The following MBD5 variants were observed in gnomAD, a reference collection of about 807,000 sequenced individuals.
The protein encoded by MBD5 is methyl-CpG-binding domain protein 5.
MBD5 carries 13 observed loss-of-function variants against 117.3 expected under a neutral mutation model. That is an observed-to-expected ratio of 0.11 (90% CI 0.07 to 0.18). The LOEUF (loss-of-function observed/expected upper bound fraction) is 0.18, where lower values mean the gene tolerates loss of function less well. Among genes scored for constraint, MBD5 ranks in the 10% least tolerant of loss-of-function variants. MBD5 has a pLI of 1.00. For missense variants in MBD5, 1,879 were observed against 2,093.8 expected (o/e 0.90, Z 2.00); for synonymous variants, 727 against 766.4 (o/e 0.95, Z 0.85).
At chr2:148,226,660 T>C (rs1297388084) in intron 2 of MBD5, among the ~76,000 whole-genome samples, 2 of 152,180 alleles carry the variant, frequency 1.3e-5, no homozygotes, top group Non-Finnish European at 2.9e-5. Context: ...ATGGTATTTC[T>C]AGTTCTAGAT....
At chr2:148,083,221 T>G (rs1487528654) in intron 1 of MBD5, among the ~76,000 whole-genome samples, 2 of 152,208 alleles carry the variant, frequency 1.3e-5, no homozygotes, top group Non-Finnish European at 2.9e-5. Flanking sequence ...ATTGCAAAAA[T>G]CAGGATATCA....
At chr2:148,457,301 T>C (rs1217675942) in intron 4 of MBD5, among the ~76,000 whole-genome samples, 2 of 152,146 alleles carry the variant, frequency 1.3e-5, no homozygotes, top group Non-Finnish European at 1.5e-5. Flanking sequence ...AATTGTTTTT[T>C]ACGCATTCTT....
At chr2:148,394,690 A>G (rs1485729497) in intron 4 of MBD5, among the ~76,000 whole-genome samples, 1 of 146,836 alleles carries the variant, frequency 6.8e-6, no homozygotes, top group Admixed American at 6.8e-5. Context: ...TTTTCTTGTT[A>G]TTATTTTGTT....
intron 11 of MBD5, 77 bp downstream of exon 11, chr2:148,490,671 T>C: frequency 6.4e-7 from 1 of 1,550,864 alleles, no homozygotes; most frequent in East Asian, 2.3e-5. Flanking sequence ...ATCATCACTT[T>C]GGATTCTTTG....
chr2:148,369,077 T>C (rs776190516), intron 4 of MBD5, among the ~76,000 whole-genome samples: 5 of 152,242 alleles, frequency 3.3e-5, no homozygotes, highest in Non-Finnish European at 5.9e-5. Context: ...CTAAAATGCG[T>C]GACCTCAATT....
intron 3 of MBD5, among the ~76,000 whole-genome samples, chr2:148,313,809 G>A (rs1702092036): frequency 6.6e-6 from 1 of 152,174 alleles, no homozygotes; most frequent in South Asian, 2.1e-4. Flanking sequence ...AGGTTGTGAA[G>A]ACCATGGGAA....
intron 4 of MBD5, among the ~76,000 whole-genome samples, chr2:148,446,858 G>C (rs1374840254): frequency 6.6e-6 from 1 of 151,958 alleles, no homozygotes; most frequent in Non-Finnish European, 1.5e-5. Flanking sequence ...CAGGTTATAA[G>C]ATCTCAAGTA....
chr2:148,371,033 C>T (rs1703837804), intron 4 of MBD5, among the ~76,000 whole-genome samples: 1 of 151,970 alleles, frequency 6.6e-6, no homozygotes, highest in East Asian at 1.9e-4. Flanking sequence ...ACATTATAAG[C>T]GTTAAGAAAG....
chr2:148,288,046 T>C (rs1031490233), intron 3 of MBD5, among the ~76,000 whole-genome samples: 1 of 120,520 alleles, frequency 8.3e-6, no homozygotes, highest in African/African-American at 2.6e-5. Context: ...CATTTTTAAG[T>C]ACCATGAAAG....
intron 2 of MBD5, among the ~76,000 whole-genome samples, chr2:148,185,766 C>T (rs1698638455): frequency 1.3e-5 from 2 of 152,098 alleles, no homozygotes; most frequent in African/African-American, 4.8e-5. Context: ...AAATATCAGC[C>T]AGGCATGGTG....
chr2:148,336,884 A>G (rs2105101460), intron 3 of MBD5, among the ~76,000 whole-genome samples: 1 of 152,230 alleles, frequency 6.6e-6, no homozygotes, highest in Non-Finnish European at 1.5e-5. Context: ...TGGACTTCAT[A>G]TACTGGATCC....
At chr2:148,393,958 G>T (rs920595028) in intron 4 of MBD5, among the ~76,000 whole-genome samples, 1 of 152,078 alleles carries the variant, frequency 6.6e-6, no homozygotes, top group Admixed American at 6.6e-5. Context: ...AAAAGAAAAG[G>T]TTATGCTTAT....
At position 148,399,624 on chromosome 2, in the gene MBD5, A is replaced by T. The variant is rs571446923; in HGVS notation, c.-557+57288A>T. Reference sequence around the variant, plus strand: ...ACAGGGACAATTTGACTTCCTCTTTACCTAATTGAATACCCTTTATTTCCT... The same window carrying T: ...ACAGGGACAATTTGACTTCCTCTTTTCCTAATTGAATACCCTTTATTTCCT... On this transcript the variant is annotated intron_variant, in intron 4 of 13. Transcript: ENST00000642680. Among the ~76,000 whole-genome samples the T allele has an allele frequency of 4.1e-4, 62 of 151,956 alleles. No homozygotes were observed. The South Asian group carries it at 0.011, about 27-fold the overall frequency.
intron 1 of MBD5, among the ~76,000 whole-genome samples, chr2:148,064,883 T>C (rs13018478): frequency 6.6e-6 from 1 of 152,198 alleles, no homozygotes; most frequent in Non-Finnish European, 1.5e-5. Context: ...TTCTTATATA[T>C]AGCCCACTAC....
At chr2:148,264,515 A>G (rs1440644637) in intron 3 of MBD5, 1 of 152,184 alleles carries the variant, frequency 6.6e-6, no homozygotes, top group African/African-American at 2.4e-5. Flanking sequence ...GCAATTTCTG[A>G]AATGCAACAG....
chr2:148,059,097 C>T (rs1694954961), intron 1 of MBD5, among the ~76,000 whole-genome samples: 1 of 152,104 alleles, frequency 6.6e-6, no homozygotes, highest in Admixed American at 6.5e-5. Flanking sequence ...AGAACAAAGA[C>T]TTCTAGATGA....
intron 3 of MBD5, among the ~76,000 whole-genome samples, chr2:148,242,580 G>A (rs570698402): frequency 6.6e-6 from 1 of 152,094 alleles, no homozygotes; most frequent in Middle Eastern, 3.2e-3. Context: ...TATCAAAGAA[G>A]AATGAGTCTA....
chr2:148,365,736 G>A (rs1180755328), intron 4 of MBD5, among the ~76,000 whole-genome samples: 2 of 151,934 alleles, frequency 1.3e-5, no homozygotes, highest in East Asian at 1.9e-4. Context: ...AGAGGAAATG[G>A]ATAAATTCCT....
intron 13 of MBD5, 60 bp downstream of exon 13, chr2:148,510,195 T>G: frequency 7.6e-7 from 1 of 1,320,576 alleles, no homozygotes; most frequent in Non-Finnish European, 1.1e-6. Flanking sequence ...GTGTTACACT[T>G]TTTGGTAAAG....
Sources: allele counts gnomAD v4.1 joint callset (sites outside exome capture counted in the v4.1 genomes callset), GRCh38; gene constraint gnomAD v4.1.1; transcripts MANE v1.5; gene names NCBI Gene and HGNC (gene_info 2026-07-23, HGNC 2026-07-21).